Variants in GPD2 observed in about 807,000 individuals in gnomAD.
The protein encoded by GPD2 is glycerol-3-phosphate dehydrogenase 2.
In GPD2, 54 loss-of-function variants were observed where a neutral mutation model predicts 82.4. That is an observed-to-expected ratio of 0.66 (90% CI 0.53 to 0.82). The LOEUF is 0.82. GPD2 is among the 40% of genes least tolerant of loss of function. GPD2 has a pLI of 0.00. For synonymous variants in GPD2, 288 were observed against 306.1 expected, an observed-to-expected ratio of 0.94 and a Z score of 0.62; for missense variants, 748 against 896.2, an observed-to-expected ratio of 0.83 and a Z score of 2.11.
At chr2:156,541,269 A>C (rs544673639) in intron 6 of GPD2, among the ~76,000 whole-genome samples, 78 of 152,340 alleles carry the variant, frequency 5.1e-4, no homozygotes, top group African/African-American at 1.8e-3. Flanking sequence ...CTTAAGAGAG[A>C]AAATAAGGTA....
chr2:156,480,631 TGGCTTTG>T (rs57339841), intron 2 of GPD2, among the ~76,000 whole-genome samples: 137,688 of 151,546 alleles, frequency 0.91, 63,698 homozygotes, highest in South Asian at 1. Flanking sequence ...GAAGGTGTGG[TGGCTTTG>T]GGCTTTGTGA....
At chr2:156,422,790 G>C in the GPD2 span, among the ~76,000 whole-genome samples, 1 of 151,732 alleles carries the variant, frequency 6.6e-6, no homozygotes. Context: ...CAAAGATATA[G>C]ATTCACATTT....
intron 6 of GPD2, among the ~76,000 whole-genome samples, chr2:156,518,408 T>C (rs1323564208): frequency 6.6e-6 from 1 of 152,222 alleles, no homozygotes; most frequent in East Asian, 1.9e-4. Flanking sequence ...TTGACTAGGC[T>C]GACTTATACA....
At chr2:156,442,987 A>G (rs1682231248) in intron 1 of GPD2, among the ~76,000 whole-genome samples, 1 of 152,148 alleles carries the variant, frequency 6.6e-6, no homozygotes, top group African/African-American at 2.4e-5. Context: ...TCTCACCCTA[A>G]TATTAAGGTG....
chr2:156,482,497 A>C (rs1268718857), intron 2 of GPD2, among the ~76,000 whole-genome samples: 3 of 152,172 alleles, frequency 2.0e-5, no homozygotes, highest in Non-Finnish European at 4.4e-5. Flanking sequence ...AGTGCCATTT[A>C]TTGGAATTCT....
chr2:156,528,263 T>G (rs1294378606), intron 6 of GPD2, among the ~76,000 whole-genome samples: 1 of 152,038 alleles, frequency 6.6e-6, no homozygotes, highest in African/African-American at 2.4e-5. Flanking sequence ...CAGATTGATA[T>G]GTGTATTTTT....
chr2:156,522,989 T>G (rs1368201391), intron 6 of GPD2, among the ~76,000 whole-genome samples: 4 of 152,010 alleles, frequency 2.6e-5, no homozygotes, highest in Non-Finnish European at 5.9e-5. Context: ...GTACAGAGAC[T>G]TCCTCTTTCC....
the GPD2 span, among the ~76,000 whole-genome samples, chr2:156,415,360 A>G: frequency 6.6e-6 from 1 of 151,610 alleles, no homozygotes; most frequent in Non-Finnish European, 1.5e-5. Context: ...GGGTTTCACC[A>G]TGTTGGCCAG....
intron 9 of GPD2, among the ~76,000 whole-genome samples, chr2:156,562,288 A>G (rs772141302): frequency 2.0e-5 from 3 of 152,124 alleles, no homozygotes; most frequent in Admixed American, 6.5e-5. Context: ...GGCCATATCA[A>G]CTCACTGCAG....
chr2:156,562,185 T>C (rs1270966388), intron 9 of GPD2, among the ~76,000 whole-genome samples: 1 of 152,226 alleles, frequency 6.6e-6, no homozygotes, highest in Non-Finnish European at 1.5e-5. Context: ...CCTGGAGTAC[T>C]TCTTTAGGCA....
At chr2:156,437,917 G>A (rs1682009430) in intron 1 of GPD2, among the ~76,000 whole-genome samples, 1 of 151,976 alleles carries the variant, frequency 6.6e-6, no homozygotes. Context: ...GATGATTATT[G>A]TGCATAACTC....
chr2:156,513,827 T>C (rs1317442751), intron 6 of GPD2, among the ~76,000 whole-genome samples: 3 of 152,226 alleles, frequency 2.0e-5, no homozygotes, highest in Non-Finnish European at 4.4e-5. Context: ...TGCTAGTGAA[T>C]ATTTGCCTTA....
At chr2:156,408,634 G>A in the GPD2 span, among the ~76,000 whole-genome samples, 1 of 151,696 alleles carries the variant, frequency 6.6e-6, no homozygotes, top group Non-Finnish European at 1.5e-5. Context: ...CAGCTACAGG[G>A]GAGGCTGAGG....
chr2:156,413,540 T>C, the GPD2 span, among the ~76,000 whole-genome samples: 1 of 150,698 alleles, frequency 6.6e-6, no homozygotes, highest in African/African-American at 2.4e-5. Context: ...TCCGAGATCA[T>C]GCCACTGGAC....
At chr2:156,451,499 C>A in intron 1 of GPD2, among the ~76,000 whole-genome samples, 1 of 62,862 alleles carries the variant, frequency 1.6e-5, no homozygotes, top group South Asian at 8.5e-4. Flanking sequence ...CCGGAAGGGG[C>A]GGCTGGCCGA....
intron 2 of GPD2, chr2:156,495,580 G>A (rs758842199): frequency 7.8e-5 from 36 of 459,854 alleles, no homozygotes; most frequent in South Asian, 5.8e-4. Context: ...TTTGTCAGGA[G>A]AACTGAGGAA....
chr2:156,509,999 T>C (rs576363677), intron 3 of GPD2, among the ~76,000 whole-genome samples: 1 of 152,126 alleles, frequency 6.6e-6, no homozygotes, highest in African/African-American at 2.4e-5. Flanking sequence ...GCCAGGTTGG[T>C]CTTGAACTCC....
At chr2:156,439,070 T>A (rs1464275084) in intron 1 of GPD2, among the ~76,000 whole-genome samples, 4 of 152,242 alleles carry the variant, frequency 2.6e-5, no homozygotes, top group African/African-American at 7.2e-5. Flanking sequence ...TAGGAATGTT[T>A]GCTATTGTGT....
intron 2 of GPD2, among the ~76,000 whole-genome samples, chr2:156,493,701 G>A (rs970861518): frequency 4.0e-5 from 6 of 151,870 alleles, no homozygotes; most frequent in Admixed American, 6.6e-5. Context: ...AGTATTTCTC[G>A]AAAACTTACC....
Sources: allele counts gnomAD v4.1 joint callset (sites outside exome capture counted in the v4.1 genomes callset), GRCh38; gene constraint gnomAD v4.1.1; transcripts MANE v1.5; gene names NCBI Gene and HGNC (gene_info 2026-07-23, HGNC 2026-07-21).